Variants in PCDHAC1 observed in about 807,000 individuals in gnomAD.
The protein encoded by PCDHAC1 is protocadherin alpha-C1.
Under a neutral mutation model 60.0 loss-of-function variants are expected in PCDHAC1, and 42 were observed. The observed-to-expected ratio is 0.70, with a 90% CI of 0.55 to 0.90. The LOEUF (loss-of-function observed/expected upper bound fraction) is 0.90. Among genes scored for constraint, PCDHAC1 ranks in the 40% least tolerant of loss-of-function variants. The pLI is 0.00. For missense variants in PCDHAC1, 1,160 were observed against 1,222.3 expected (o/e 0.95, Z 0.76); for synonymous variants, 468 against 499.3 (o/e 0.94, Z 0.84).
At chr5:140,967,001 A>G (rs1048933252) in intron 1 of PCDHAC1, 5 of 1,605,060 alleles carry the variant, frequency 3.1e-6, no homozygotes, top group East Asian at 2.2e-5. Flanking sequence ...TTGCTTGCGC[A>G]TCAACCATCT....
intron 1 of PCDHAC1, chr5:140,967,752 C>T: frequency 1.2e-6 from 2 of 1,614,194 alleles, no homozygotes; most frequent in Middle Eastern, 1.6e-4. Context: ...GAGGAAGCCT[C>T]CTCCTACCAG....
At chr5:140,990,988 C>A (rs1332573282) in intron 3 of PCDHAC1, among the ~76,000 whole-genome samples, 5 of 152,184 alleles carry the variant, frequency 3.3e-5, no homozygotes, top group Admixed American at 6.5e-5. Flanking sequence ...AAGACAATAG[C>A]TACCATTTAT....
At chr5:140,991,411 C>G (rs905076175) in intron 3 of PCDHAC1, among the ~76,000 whole-genome samples, 8 of 152,156 alleles carry the variant, frequency 5.3e-5, no homozygotes, top group Admixed American at 5.2e-4. Flanking sequence ...TCCCATTATG[C>G]TATAACAAAT....
chr5:140,948,959 C>T (rs1315047565), intron 1 of PCDHAC1, among the ~76,000 whole-genome samples: 13 of 151,622 alleles, frequency 8.6e-5, no homozygotes, highest in South Asian at 6.2e-4. Context: ...ATTAAAGCCA[C>T]GAATTTATTA....
chr5:140,973,754 G>A (rs2096600951), intron 1 of PCDHAC1, among the ~76,000 whole-genome samples: 1 of 152,198 alleles, frequency 6.6e-6, no homozygotes, highest in South Asian at 2.1e-4. Flanking sequence ...CACTCTGCAG[G>A]GACACAGCCT....
In PCDHAC1 at chr5:141,009,754, C is replaced by A. The variant is rs200585286; in HGVS notation, c.2709C>A (p.Ile903=). 18 of 1,614,022 alleles carry A rather than the reference C, an allele frequency of 1.1e-5. No individual in the cohort carries two copies. Among genetic ancestry groups the A allele is most frequent in the Non-Finnish European group, 1.5e-5 (18 of 1,180,034 alleles). ...GTGAGTTGCCCGACAAATTCATTAT[C>A]CCAGGATCTCCTGCAATCATCTCCA... The part of the protein sequence containing the change: ...GPGELPDKFI[I]PGSPAIISIR... The change falls in exon 4 of 4, where the codon ATC becomes ATA. Residue 903 remains isoleucine, a synonymous_variant. Coordinates refer to ENST00000253807, the MANE Select transcript of PCDHAC1 (RefSeq NM_018898.5).
At chr5:140,966,528 G>T (rs567098369) in intron 1 of PCDHAC1, 235 of 446,634 alleles carry the variant, frequency 5.3e-4, no homozygotes, top group Non-Finnish European at 7.8e-4. Context: ...AGCCGAGCCG[G>T]GTTGAGCGAC....
intron 1 of PCDHAC1, among the ~76,000 whole-genome samples, chr5:140,936,344 T>C (rs1403940424): frequency 6.6e-6 from 1 of 152,224 alleles, no homozygotes; most frequent in Non-Finnish European, 1.5e-5. Context: ...TATCTGCATA[T>C]ATGGAATGTG....
rs1563111690 is a variant in PCDHAC1 at position 140,929,015 on chromosome 5, A to C, written c.2123A>C (p.His708Pro). 3 of 1,614,016 alleles carry C rather than the reference A, an allele frequency of 1.9e-6. No individual in the cohort carries two copies. Among genetic ancestry groups the C allele is most frequent in the African/African-American group, 1.3e-5 (1 of 74,922 alleles). Residue 708 changes from histidine (H) to proline (P), a missense_variant, in exon 1 of 4, where the codon CAC becomes CCC. By Grantham distance (77) the His-to-Pro change is moderately conservative. Transcript: ENST00000253807. ...CTTTTCTTCGTGTGTACCAAGTTGC[A>C]CCAGAGCCCAGGCTGTTGCGCTCAG... ...CLLFFVCTKL[H>P]QSPGCCAQSC...
intron 1 of PCDHAC1, among the ~76,000 whole-genome samples, chr5:140,935,422 A>G (rs2090365671): frequency 6.6e-6 from 1 of 152,228 alleles, no homozygotes; most frequent in South Asian, 2.1e-4. Context: ...TTAGAAAACA[A>G]TTTCAGCACT....
intron 1 of PCDHAC1, among the ~76,000 whole-genome samples, chr5:140,964,690 A>G (rs1554227180): frequency 2.6e-5 from 4 of 152,036 alleles, no homozygotes. Context: ...TGTGCACTTG[A>G]GAGATTAAGG....
At chr5:140,931,982 T>G (rs1486789443) in intron 1 of PCDHAC1, among the ~76,000 whole-genome samples, 1 of 151,968 alleles carries the variant, frequency 6.6e-6, no homozygotes, top group Non-Finnish European at 1.5e-5. Context: ...GTTTATATTT[T>G]GCTCAAATTC....
intron 1 of PCDHAC1, among the ~76,000 whole-genome samples, chr5:140,945,295 T>G (rs2093770302): frequency 6.6e-6 from 1 of 152,084 alleles, no homozygotes; most frequent in Non-Finnish European, 1.5e-5. Flanking sequence ...TGAAAGAAAT[T>G]GAAGAAGACA....
At position 140,927,172 on chromosome 5, in the gene PCDHAC1, G is replaced by C. The variant is rs782548172; in HGVS notation, c.280G>C (p.Val94Leu). 2 of 1,614,034 alleles carry C rather than the reference G, an allele frequency of 1.2e-6. No homozygotes were observed. Among genetic ancestry groups the C allele is most frequent in the African/African-American group, 2.7e-5 (2 of 74,914 alleles). Residue 94 changes from valine to leucine, a missense_variant, in exon 1 of 4, where the codon GTC becomes CTC. Val to Leu is a conservative substitution (Grantham distance 32). Transcript: ENST00000253807. ...GCTGTGCAGGGCCAAAGCTGCCTGCGTCTTGACCTACGACCTGGTGCTCGA... is the reference window on the plus strand; with the variant it reads ...GCTGTGCAGGGCCAAAGCTGCCTGCCTCTTGACCTACGACCTGGTGCTCGA... ...EQLCRAKAAC[V>L]LTYDLVLEDP...
At chr5:141,006,745 T>C (rs1554260891) in intron 3 of PCDHAC1, among the ~76,000 whole-genome samples, 1 of 152,144 alleles carries the variant, frequency 6.6e-6, no homozygotes, top group Non-Finnish European at 1.5e-5. Flanking sequence ...TGATGTATTA[T>C]AAATGGAGAA....
In PCDHAC1 at chr5:140,926,819, C is replaced by T; in HGVS notation, c.-74C>T. ...TGCTCTTCCCCGCGGCTCGTGCTCTCCAGGAGTCCGGAGCATGGTCCTGGG... is the reference window on the plus strand; with the variant it reads ...TGCTCTTCCCCGCGGCTCGTGCTCTTCAGGAGTCCGGAGCATGGTCCTGGG... On this transcript the variant is annotated 5_prime_UTR_variant, in exon 1 of 4. Coordinates refer to ENST00000253807, the MANE Select transcript of PCDHAC1 (RefSeq NM_018898.5). 1 of 1,493,950 alleles carries T rather than the reference C, an allele frequency of 6.7e-7. No homozygotes were observed. 92.5% of individuals were successfully genotyped at this position (1,493,950 alleles called of 1,614,324 possible).
In PCDHAC1 at chr5:140,927,088, T is replaced by C. The variant is rs1554204002; in HGVS notation, c.196T>C (p.Phe66Leu). The C allele has an allele frequency of 6.2e-7, 1 of 1,612,662 alleles. No individual in the cohort carries two copies. Among genetic ancestry groups the C allele is most frequent in the Admixed American group, 1.7e-5 (1 of 60,004 alleles). ...RFLSSHRELY[F>L]GVDLPSGNLV... ...CCTTTCCAGCCACCGCGAGCTCTAC[T>C]TCGGGGTGGATCTACCCAGCGGCAA... The change falls in exon 1 of 4, where the codon TTC (phenylalanine) becomes CTC (leucine). Residue 66 changes from phenylalanine (F) to leucine (L), a missense_variant. Transcript: ENST00000253807.
Position 140,926,997 on chromosome 5 carries a change from C to G in PCDHAC1, c.105C>G (p.Ala35=), listed in dbSNP as rs782110120. The change falls in exon 1 of 4, where the codon GCC becomes GCG. Residue 35 remains alanine, a synonymous_variant. Coordinates refer to ENST00000253807, the MANE Select transcript of PCDHAC1 (RefSeq NM_018898.5). ...SVPEETERGV[A]VGNLSADLRL... ...CGGAGGAGACGGAGCGGGGCGTAGC[C>G]GTAGGCAATCTCTCCGCGGACTTGA... 4 of 1,612,104 alleles carry G rather than the reference C, an allele frequency of 2.5e-6. No individual in the cohort carries two copies. Among genetic ancestry groups the G allele is most frequent in the African/African-American group, 2.7e-5 (2 of 74,912 alleles).
At chr5:140,954,340 G>A (rs2095020682) in intron 1 of PCDHAC1, among the ~76,000 whole-genome samples, 1 of 152,176 alleles carries the variant, frequency 6.6e-6, no homozygotes, top group Non-Finnish European at 1.5e-5. Flanking sequence ...TCTGCCTCTA[G>A]ATCTTTGAGG....
Sources: gnomAD v4.1 joint callset for allele counts (sites outside exome capture counted in the v4.1 genomes callset) on GRCh38, gnomAD v4.1.1 for gene constraint, MANE v1.5 for transcripts, NCBI Gene and HGNC (gene_info 2026-07-23, HGNC 2026-07-21) for gene names.